KRT3: variants seen among roughly 807,000 people sequenced by gnomAD.
KRT3 encodes keratin 3.
In KRT3, 34 loss-of-function variants were observed where a neutral mutation model predicts 45.8. The observed-to-expected ratio is 0.74, with a 90% CI of 0.57 to 0.99. The LOEUF (loss-of-function observed/expected upper bound fraction) is 0.99. KRT3 is among the 50% of genes least tolerant of loss of function. KRT3 has a pLI of 0.00. For missense variants in KRT3, 828 were observed against 820.6 expected (o/e 1.01, Z -0.11); for synonymous variants, 367 against 329.0 (o/e 1.12, Z -1.25).
rs1939642311 is a variant in KRT3, at chr12:52,796,068, G to A, written c.-26C>T. The A allele has an allele frequency of 6.2e-7, 1 of 1,610,858 alleles. No individual in the cohort carries two copies. The highest frequency in any genetic ancestry group is 1.3e-5 in the African/African-American group (1 of 74,946). On this transcript the variant is annotated 5_prime_UTR_variant, in exon 1 of 9. Transcript: ENST00000417996. ...GGTAAGGAGCTTGGCGAAGAGAAGA[G>A]TGTAAGTTAAGCAGGGACACTGAGA...
intron 2 of KRT3, among the ~76,000 whole-genome samples, chr12:52,793,888 A>T (rs144339409): frequency 6.6e-6 from 1 of 152,188 alleles, no homozygotes; most frequent in African/African-American, 2.4e-5. Context: ...CACCAAGCCC[A>T]GCCTAAACTC....
Position 52,795,823 on chromosome 12 carries a change from C to A in KRT3, c.220G>T (p.Gly74Cys), listed in dbSNP as rs557308178. Residue 74 changes from glycine (G) to cysteine (C), a missense_variant, in exon 1 of 9, where the codon GGC becomes TGC. By Grantham distance (159) the Gly-to-Cys change is radical. Coordinates refer to ENST00000417996, the MANE Select transcript of KRT3 (RefSeq NM_057088.3). ...CCCCCAAAGCCTCCAGCCCGGGAGCCGCCAGCTGCCACGCTGATGGAGATG... is the reference window on the plus strand; with the variant it reads ...CCCCCAAAGCCTCCAGCCCGGGAGCAGCCAGCTGCCACGCTGATGGAGATG... ...KSISISVAAGGSRAGGFGGGR... is the reference protein window; with the variant it reads ...KSISISVAAGCSRAGGFGGGR... The A allele has an allele frequency of 6.2e-7, 1 of 1,613,938 alleles. No homozygotes were observed.
Position 52,790,888 on chromosome 12 carries a change from A to C in KRT3, c.1536-16T>G, listed in dbSNP as rs751335833. On this transcript the variant is annotated splice_polypyrimidine_tract_variant and intron_variant, in intron 7 of 8. Coordinates refer to ENST00000417996, the MANE Select transcript of KRT3 (RefSeq NM_057088.3). ...TCCAGACATCCTGTTTGAGAAAGCAAGAGAAAGTGGGCCCCGTCACAAAGC... is the reference window on the plus strand; with the variant it reads ...TCCAGACATCCTGTTTGAGAAAGCACGAGAAAGTGGGCCCCGTCACAAAGC... 5.0e-6 allele frequency: 8 copies of C among 1,591,592 alleles called. No homozygotes were observed. In the Admixed American group the frequency reaches 1.1e-4, roughly 21 times the overall value.
intron 1 of KRT3, among the ~76,000 whole-genome samples, chr12:52,794,871 T>A (rs778048384): frequency 6.6e-6 from 1 of 152,214 alleles, no homozygotes; most frequent in Non-Finnish European, 1.5e-5. Flanking sequence ...TCTTCCTGAC[T>A]AGGCTGAGTA....
Position 52,792,307 on chromosome 12 carries a change from C to T in KRT3, c.1120G>A (p.Val374Ile). 2.5e-6 allele frequency: 4 copies of T among 1,614,180 alleles called. No homozygotes were observed. The highest frequency in any genetic ancestry group is 3.4e-6 in the Non-Finnish European group (4 of 1,180,006). ...GCGATATCCTCATACTGTGCACGAACTTCAGCAATGATGCTGTCCAGGTCC... is the reference window on the plus strand; with the variant it reads ...GCGATATCCTCATACTGTGCACGAATTTCAGCAATGATGCTGTCCAGGTCC... ...SLDLDSIIAEVRAQYEDIAQR... is the reference protein window; with the variant it reads ...SLDLDSIIAEIRAQYEDIAQR... The change falls in exon 5 of 9, where the codon GTT becomes ATT. Residue 374 changes from valine (V) to isoleucine (I), a missense_variant. Physicochemically the swap from Val to Ile is conservative, Grantham distance 29. Coordinates refer to ENST00000417996, the MANE Select transcript of KRT3 (RefSeq NM_057088.3).
rs1258404009 is a variant in KRT3, at chr12:52,789,788, C to T, written c.*254G>A. Reference sequence around the variant, plus strand: ...AGCATCCCACCCAGGGAGGGGACTCCGGGGCAGCAGAAGGTGGCGGCCTAG... The same window carrying T: ...AGCATCCCACCCAGGGAGGGGACTCTGGGGCAGCAGAAGGTGGCGGCCTAG... On this transcript the variant is annotated 3_prime_UTR_variant, in exon 9 of 9. Coordinates refer to ENST00000417996, the MANE Select transcript of KRT3 (RefSeq NM_057088.3). 6.6e-6 allele frequency: 4 copies of T among 605,432 alleles called. No individual in the cohort carries two copies. Among genetic ancestry groups the T allele is most frequent in the Admixed American group, 2.9e-5 (1 of 34,548 alleles). The allele number at this position is 605,432 out of a possible 1,614,324, so 37.5% of individuals were successfully genotyped here.
chr12:52,794,088 C>T, intron 2 of KRT3, 23 bp downstream of exon 2: 1 of 1,590,992 alleles, frequency 6.3e-7, no homozygotes, highest in African/African-American at 1.3e-5. Context: ...ATGGCATCTT[C>T]CCACTCCTGC....
At chr12:52,793,328 A>C in intron 2 of KRT3, 105 bp from the exon 3 acceptor site, 1 of 737,482 alleles carries the variant, frequency 1.4e-6, no homozygotes, top group Non-Finnish European at 2.3e-6. Flanking sequence ...CTCCATCCCT[A>C]TCCTGCCCCT....
At position 52,792,394 on chromosome 12, in the gene KRT3, G is replaced by C; in HGVS notation, c.1033C>G (p.Gln345Glu). 1.2e-6 allele frequency: 2 copies of C among 1,613,950 alleles called. No individual in the cohort carries two copies. Among genetic ancestry groups the C allele is most frequent in the Non-Finnish European group, 1.7e-6 (2 of 1,180,032 alleles). Residue 345 changes from glutamine (Q) to glutamate (E), a missense_variant, in exon 5 of 9, where the codon CAG (glutamine) becomes GAG (glutamate). Gln to Glu is a conservative substitution (Grantham distance 29). Coordinates refer to ENST00000417996, the MANE Select transcript of KRT3 (RefSeq NM_057088.3). The stretch of plus-strand genomic sequence containing the variant: ...GTGTCACTGATGTGGCTCTGCATCT[G>C]AGATAGCTCCTGTCAACACAGAGGG... Reference protein sequence around the residue: ...LRTLYDAELSQMQSHISDTSV... With the variant: ...LRTLYDAELSEMQSHISDTSV...
chr12:52,791,252 C>T lies in KRT3; in HGVS notation c.1489G>A (p.Val497Met), dbSNP rs200588015. 96 of 1,614,138 alleles carry T rather than the reference C, an allele frequency of 5.9e-5. No homozygotes were observed. The highest frequency in any genetic ancestry group is 6.5e-5 in the Non-Finnish European group (77 of 1,180,046). Reference sequence around the variant, plus strand: ...AGCTTGCGGTAGGTGGCGATCTCCACGTCCAGGGCCAGCTTGACATTCATC... The same window carrying T: ...AGCTTGCGGTAGGTGGCGATCTCCATGTCCAGGGCCAGCTTGACATTCATC... ...ELMNVKLALD[V>M]EIATYRKLLE... The change falls in exon 7 of 9, where the codon GTG becomes ATG. Residue 497 changes from valine (V) to methionine (M), a missense_variant. By Grantham distance (21) the Val-to-Met change is conservative. Coordinates refer to ENST00000417996, the MANE Select transcript of KRT3 (RefSeq NM_057088.3).
At chr12:52,790,916 A>G (rs776989039) in intron 7 of KRT3, 44 bp from the exon 8 acceptor site, 2 of 1,559,240 alleles carry the variant, frequency 1.3e-6, no homozygotes, top group Middle Eastern at 3.3e-4. Flanking sequence ...CACAAAGCAC[A>G]TCACCAACAA....
rs755798352 is a variant in KRT3 at position 52,795,761 on chromosome 12, T to C, written c.282A>G (p.Gly94=). 6 of 1,613,510 alleles carry C rather than the reference T, an allele frequency of 3.7e-6. No homozygotes were observed. In the South Asian group the frequency reaches 6.6e-5, roughly 18 times the overall value. Residue 94 remains glycine (G), a synonymous_variant, in exon 1 of 9, where the codon GGA becomes GGG. Transcript: ENST00000417996. ...RSSCAFAGGY[G]GGFGSGYGGG... Reference sequence around the variant, plus strand: ...CTCCATAGCCGCTCCCAAAGCCACCTCCATAGCCACCTGCAAAGGCACAGC... The same window carrying C: ...CTCCATAGCCGCTCCCAAAGCCACCCCCATAGCCACCTGCAAAGGCACAGC...
In KRT3 at chr12:52,796,056, G is replaced by T; in HGVS notation, c.-14C>A. ...TTGTCTGCTCATGGTAAGGAGCTTG[G>T]CGAAGAGAAGAGTGTAAGTTAAGCA... On this transcript the variant is annotated 5_prime_UTR_variant, in exon 1 of 9. Coordinates refer to ENST00000417996, the MANE Select transcript of KRT3 (RefSeq NM_057088.3). The T allele has an allele frequency of 6.2e-7, 1 of 1,612,232 alleles. No homozygotes were observed. The highest frequency in any genetic ancestry group is 1.1e-5 in the South Asian group (1 of 91,076).
intron 1 of KRT3, among the ~76,000 whole-genome samples, chr12:52,794,750 C>G (rs1939599987): frequency 6.6e-6 from 1 of 152,170 alleles, no homozygotes. Context: ...AGCTGGGAAG[C>G]AACACTGGCT....
chr12:52,796,018 A>T lies in KRT3; in HGVS notation c.25T>A (p.Ser9Thr). Residue 9 changes from serine (S) to threonine (T), a missense_variant, in exon 1 of 9, where the codon TCT (serine) becomes ACT (threonine). By Grantham distance (58) the Ser-to-Thr change is moderately conservative. Coordinates refer to ENST00000417996, the MANE Select transcript of KRT3 (RefSeq NM_057088.3). ...GAGAAACCCTGGCTCCCGCCACCAG[A>T]TGTCTTGCTGGCTTGTCTGCTCATG... MSRQASKT[S>T]GGGSQGFSGR... is the part of the protein sequence containing the mutation. 6.2e-7 allele frequency: 1 copy of T among 1,613,700 alleles called. No homozygotes were observed. The highest frequency in any genetic ancestry group is 8.5e-7 in the Non-Finnish European group (1 of 1,179,884).
chr12:52,794,273 T>G lies in KRT3; in HGVS notation c.704A>C (p.Gln235Pro). The change falls in exon 2 of 9, where the codon CAG becomes CCG. Residue 235 changes from glutamine (Q) to proline (P), a missense_variant. Transcript: ENST00000417996. ...GCCTGAGATGGAACTTGTGCCCTGC[T>G]GCTGGAGCAGGTTCCACTTGGTCTC... ...VLETKWNLLQQQGTSSISGTN... is the reference protein window; with the variant it reads ...VLETKWNLLQPQGTSSISGTN... The G allele has an allele frequency of 3.7e-6, 6 of 1,614,202 alleles. No homozygotes were observed. Among genetic ancestry groups the G allele is most frequent in the Non-Finnish European group, 5.1e-6 (6 of 1,180,030 alleles).
Position 52,791,718 on chromosome 12 carries a change from C to T in KRT3, c.1287G>A (p.Arg429=), listed in dbSNP as rs994630536. The T allele has an allele frequency of 4.3e-6, 7 of 1,614,034 alleles. No homozygotes were observed. The African/African-American group carries it at 9.3e-5, about 22-fold the overall frequency. Residue 429 remains arginine, a synonymous_variant, in exon 6 of 9, where the codon CGG becomes CGA. Coordinates refer to ENST00000417996, the MANE Select transcript of KRT3 (RefSeq NM_057088.3). The stretch of plus-strand genomic sequence containing the variant: ...GCTTCTTGACACCCTCGATCTCTGC[C>T]CGCAGCCTCTGGATCATTCTGTTGA... ...IELNRMIQRL[R]AEIEGVKKQN...
chr12:52,793,569 C>A (rs1358165745), intron 2 of KRT3, among the ~76,000 whole-genome samples: 7 of 152,176 alleles, frequency 4.6e-5, no homozygotes, highest in Admixed American at 4.6e-4. Context: ...AAATGCTTCC[C>A]CAACTCTAAA....
At chr12:52,794,968 T>C (rs1464372508) in intron 1 of KRT3, among the ~76,000 whole-genome samples, 1 of 152,106 alleles carries the variant, frequency 6.6e-6, no homozygotes, top group Admixed American at 6.5e-5. Context: ...GTAATCAGCC[T>C]CCTCTGCCTG....
Sources: gnomAD v4.1 joint callset for allele counts (sites outside exome capture counted in the v4.1 genomes callset) on GRCh38, gnomAD v4.1.1 for gene constraint, MANE v1.5 for transcripts, NCBI Gene and HGNC (gene_info 2026-07-23, HGNC 2026-07-21) for gene names.